ANAPC7: variants seen among roughly 807,000 people sequenced by gnomAD.
ANAPC7 encodes the protein anaphase promoting complex subunit 7.
ANAPC7 carries 25 observed loss-of-function variants against 63.3 expected under a neutral mutation model. The observed-to-expected ratio is 0.39, with a 90% CI of 0.29 to 0.55. ANAPC7 has a LOEUF of 0.55. ANAPC7 is among the 20% of genes least tolerant of loss of function. The pLI is 0.57. For synonymous variants in ANAPC7, 241 were observed against 251.7 expected (o/e 0.96, Z 0.40); for missense variants, 516 against 691.7 (o/e 0.75, Z 2.85).
At chr12:110,377,674 T>C (rs781184953) in intron 8 of ANAPC7, 57 bp from the exon 9 acceptor site, 47 of 1,607,730 alleles carry the variant, frequency 2.9e-5, no homozygotes, top group Non-Finnish European at 3.9e-5. Flanking sequence ...CAACCCATGC[T>C]TCCACTCTGA....
rs546354598 is a variant in ANAPC7, at chr12:110,395,704, A to G, written c.289-484T>C. Among the ~76,000 whole-genome samples the G allele has an allele frequency of 2.6e-5, 4 of 151,474 alleles. No homozygotes were observed. In the South Asian group the frequency reaches 8.3e-4, roughly 32 times the overall value. ...CAGGCATCCACCACCATGCCTGGCTAATTTTTTGTATTTTTAGTAGAGACG... is the reference window on the plus strand; with the variant it reads ...CAGGCATCCACCACCATGCCTGGCTGATTTTTTGTATTTTTAGTAGAGACG... On this transcript the variant is annotated intron_variant, in intron 2 of 10. Transcript: ENST00000455511.
In ANAPC7 at chr12:110,395,152, TTTATC is replaced by T; in HGVS notation, c.352_356del (p.Asp118ArgfsTer7). ...TCCCATCAAGTATAGCAATGGCATC[TTTATC>T]TTGTTTTAGCATTGTATAACATTCA... On this transcript the variant is annotated frameshift_variant, in exon 3 of 11. Transcript: ENST00000455511. LOFTEE classifies it high-confidence loss of function. 1 of 1,613,858 alleles carries T rather than the reference TTTATC, an allele frequency of 6.2e-7. No homozygotes were observed. The highest frequency in any genetic ancestry group is 8.5e-7 in the Non-Finnish European group (1 of 1,179,816).
intron 1 of ANAPC7, among the ~76,000 whole-genome samples, chr12:110,397,386 C>T (rs1373142807): frequency 1.3e-5 from 2 of 150,582 alleles, no homozygotes; most frequent in Non-Finnish European, 3.0e-5. Flanking sequence ...AACCCCAGCT[C>T]TACTAAAAAT....
chr12:110,384,993 G>A (rs1882327006), intron 6 of ANAPC7, among the ~76,000 whole-genome samples: 1 of 152,222 alleles, frequency 6.6e-6, no homozygotes, highest in Admixed American at 6.5e-5. Flanking sequence ...GCTGGGTGCA[G>A]TGGCTCAGGC....
chr12:110,400,040 G>A (rs770814512), intron 1 of ANAPC7, among the ~76,000 whole-genome samples: 15 of 150,540 alleles, frequency 1.0e-4, no homozygotes, highest in African/African-American at 1.7e-4. Flanking sequence ...GCAGTGAGCC[G>A]AGATCACGCC....
At chr12:110,379,650 G>C (rs1881630268) in intron 8 of ANAPC7, among the ~76,000 whole-genome samples, 1 of 152,146 alleles carries the variant, frequency 6.6e-6, no homozygotes, top group African/African-American at 2.4e-5. Flanking sequence ...CAGAGGCATA[G>C]CTCTCTGGCT....
At chr12:110,392,008 C>T (rs1883132073) in intron 3 of ANAPC7, among the ~76,000 whole-genome samples, 1 of 142,372 alleles carries the variant, frequency 7.0e-6, no homozygotes, top group South Asian at 2.2e-4. Flanking sequence ...AGGGGAATCG[C>T]TTGAACCCGG....
chr12:110,378,552 T>C (rs931806900), intron 8 of ANAPC7: 7 of 152,270 alleles, frequency 4.6e-5, no homozygotes, highest in African/African-American at 1.7e-4. Context: ...ACTTACCACA[T>C]GCACCAAACA....
rs149663405 is a variant in ANAPC7, at chr12:110,395,170, T to C, written c.339A>G (p.Thr113=). 1.2e-6 allele frequency: 2 copies of C among 1,613,406 alleles called. No individual in the cohort carries two copies. The highest frequency in any genetic ancestry group is 2.2e-5 in the East Asian group (1 of 44,886). Residue 113 remains threonine (T), a synonymous_variant, in exon 3 of 11, where the codon ACA becomes ACG. Coordinates refer to ENST00000455511, the MANE Select transcript of ANAPC7 (RefSeq NM_016238.3). ...EVKYKMAECY[T]MLKQDKDAIA... ...TGGCATCTTTATCTTGTTTTAGCATTGTATAACATTCAGCCATTTTGTATT... is the reference window on the plus strand; with the variant it reads ...TGGCATCTTTATCTTGTTTTAGCATCGTATAACATTCAGCCATTTTGTATT...
intron 9 of ANAPC7, among the ~76,000 whole-genome samples, 175 bp from the exon 10 acceptor site, chr12:110,376,391 A>AG (rs1167696096): frequency 2.0e-5 from 3 of 151,828 alleles, no homozygotes; most frequent in Non-Finnish European, 4.4e-5. Flanking sequence ...AACACAGTGA[A>AG]ACCCCGTCTC....
intron 3 of ANAPC7, among the ~76,000 whole-genome samples, chr12:110,389,386 A>G (rs1203363438): frequency 6.6e-6 from 1 of 151,918 alleles, no homozygotes; most frequent in Non-Finnish European, 1.5e-5. Flanking sequence ...GAAATGATAC[A>G]GAAAGACAGA....
intron 3 of ANAPC7, among the ~76,000 whole-genome samples, chr12:110,393,444 G>A (rs1174144667): frequency 6.6e-6 from 1 of 152,046 alleles, no homozygotes; most frequent in Non-Finnish European, 1.5e-5. Flanking sequence ...CAAACACAAG[G>A]AGGCCAGGTG....
At chr12:110,387,303 G>GAGAC (rs1882622726) in intron 5 of ANAPC7, 1 of 135,344 alleles carries the variant, frequency 7.4e-6, no homozygotes, top group Non-Finnish European at 1.6e-5. Flanking sequence ...GAGAGAGAGA[G>GAGAC]AGAGAGACAG....
In ANAPC7 at chr12:110,398,292, C is replaced by T. The variant is rs144489946; in HGVS notation, c.102-1840G>A. On this transcript the variant is annotated intron_variant, in intron 1 of 10. Transcript: ENST00000455511. ...TTAGCCAGGCATGGTGGTGCATGCC[C>T]GTAATCCCAGCTACTTAGGAGGCTA... Among the ~76,000 whole-genome samples the T allele has an allele frequency of 8.3e-3, 1,258 of 151,808 alleles. 1 individual carries two copies. The highest frequency in any genetic ancestry group is 9.4e-3 in the Non-Finnish European group (641 of 67,918).
At chr12:110,391,467 G>A (rs533050549) in intron 3 of ANAPC7, among the ~76,000 whole-genome samples, 1 of 152,190 alleles carries the variant, frequency 6.6e-6, no homozygotes, top group East Asian at 1.9e-4. Context: ...TCACTTCCTT[G>A]TCCTTTACAT....
chr12:110,381,770 G>C lies in ANAPC7; in HGVS notation c.1114C>G (p.Arg372Gly). 2 of 1,613,410 alleles carry C rather than the reference G, an allele frequency of 1.2e-6. No homozygotes were observed. The highest frequency in any genetic ancestry group is 1.7e-6 in the Non-Finnish European group (2 of 1,179,960). ...FREAIRLAPC[R>G]LDCYEGLIEC... is the part of the protein sequence containing the mutation. The stretch of plus-strand genomic sequence containing the variant: ...TTCTTACCTTCATAACAATCTAAGC[G>C]ACAAGGTGCGAGCCGTATGGCCTCC... Residue 372 changes from arginine (R) to glycine (G), a missense_variant, in exon 8 of 11, where the codon CGC (arginine) becomes GGC (glycine). Transcript: ENST00000455511.
At chr12:110,394,876 T>G (rs147921327) in intron 3 of ANAPC7, among the ~76,000 whole-genome samples, 4,170 of 151,760 alleles carry the variant, frequency 0.027, 82 homozygotes, top group Middle Eastern at 0.065. Context: ...ACATAAAAAA[T>G]AAAAAAGAAA....
intron 10 of ANAPC7, chr12:110,375,825 CAG>C (rs1437440465): frequency 2.5e-6 from 3 of 1,192,446 alleles, no homozygotes; most frequent in African/African-American, 1.6e-5. Flanking sequence ...CAAATGAACA[CAG>C]ATGTTATAGT....
rs1882457807 is a variant in ANAPC7 at position 110,386,440 on chromosome 12, T to C, written c.704A>G (p.Asp235Gly). 1 of 1,613,128 alleles carries C rather than the reference T, an allele frequency of 6.2e-7. No individual in the cohort carries two copies. Among genetic ancestry groups the C allele is most frequent in the Admixed American group, 1.7e-5 (1 of 59,716 alleles). ...CAAGCTTCCCAATAGGTCCACGTTA[T>C]CTCGCAATAAGGATTTTTTCTCTAG... ...CSLEKKSLLR[D>G]NVDLLGSLAD... The change falls in exon 6 of 11, where the codon GAT becomes GGT. Residue 235 changes from aspartate to glycine, a missense_variant. Physicochemically the swap from Asp to Gly is moderately conservative, Grantham distance 94. Around this residue, in one of 4 missense-constraint regions of ANAPC7, gnomAD observed 199 missense variants for 249.3 expected, o/e 0.80. Transcript: ENST00000455511.
Sources: allele counts gnomAD v4.1 joint callset (sites outside exome capture counted in the v4.1 genomes callset), GRCh38; gene constraint gnomAD v4.1.1; regional missense constraint gnomAD v4.1.1; transcripts MANE v1.5; gene names NCBI Gene and HGNC (gene_info 2026-07-23, HGNC 2026-07-21).